Variants in STX18 observed in about 807,000 individuals in gnomAD.
The protein encoded by STX18 is syntaxin-18.
In STX18, 40 loss-of-function variants were observed where a neutral mutation model predicts 50.1. The observed-to-expected ratio is 0.80, with a 90% CI of 0.62 to 1.04. The LOEUF (loss-of-function observed/expected upper bound fraction) is 1.04. Among genes scored for constraint, STX18 ranks in the 50% least tolerant of loss-of-function variants. The probability of loss-of-function intolerance (pLI) is 0.00; values close to 1 mark genes in which losing one functional copy is unlikely to be tolerated. For synonymous variants in STX18, 158 were observed against 151.8 expected (o/e 1.04, Z -0.30); for missense variants, 410 against 415.8 (o/e 0.99, Z 0.12).
chr4:4,483,543 T>G (rs970875132), intron 1 of STX18, among the ~76,000 whole-genome samples: 1 of 152,208 alleles, frequency 6.6e-6, no homozygotes, highest in Admixed American at 6.5e-5. Context: ...TTGGCATTAC[T>G]GAACACATTC....
intron 1 of STX18, among the ~76,000 whole-genome samples, chr4:4,528,058 G>C (rs923529102): frequency 6.6e-6 from 1 of 151,928 alleles, no homozygotes; most frequent in Non-Finnish European, 1.5e-5. Flanking sequence ...CAGGATGCTA[G>C]ACTTACACAG....
chr4:4,440,271 C>CATTTGT (rs1726035371), intron 5 of STX18, among the ~76,000 whole-genome samples: 1 of 152,162 alleles, frequency 6.6e-6, no homozygotes, highest in African/African-American at 2.4e-5. Context: ...TTGTTAATGG[C>CATTTGT]TCATATAGTG....
intron 1 of STX18, among the ~76,000 whole-genome samples, chr4:4,481,983 A>G (rs916641435): frequency 6.6e-6 from 1 of 151,894 alleles, no homozygotes; most frequent in Non-Finnish European, 1.5e-5. Flanking sequence ...TGAGGGGGAC[A>G]CTCTTCACCA....
intron 1 of STX18, among the ~76,000 whole-genome samples, chr4:4,473,634 A>C (rs976852666): frequency 2.0e-5 from 3 of 152,084 alleles, no homozygotes; most frequent in Non-Finnish European, 4.4e-5. Context: ...AAATTAAGAG[A>C]TACGCAAGCA....
chr4:4,457,133 C>A, intron 5 of STX18, 58 bp downstream of exon 5: 1 of 1,479,342 alleles, frequency 6.8e-7, no homozygotes, highest in Non-Finnish European at 9.4e-7. Context: ...CAAACTTTAA[C>A]TGCTATTATT....
chr4:4,508,749 CCCA>C (rs1729857546), intron 1 of STX18, among the ~76,000 whole-genome samples: 1 of 152,114 alleles, frequency 6.6e-6, no homozygotes, highest in African/African-American at 2.4e-5. Context: ...GTGTTGCTCC[CCCA>C]CCATGTGTCC....
intron 1 of STX18, among the ~76,000 whole-genome samples, chr4:4,529,433 A>G (rs1730980588): frequency 1.3e-5 from 2 of 151,754 alleles, no homozygotes. Context: ...AAGCAGCCAT[A>G]TTTCCCCAAA....
chr4:4,533,768 T>C (rs1474672966), intron 1 of STX18, among the ~76,000 whole-genome samples: 1 of 152,146 alleles, frequency 6.6e-6, no homozygotes, highest in Non-Finnish European at 1.5e-5. Context: ...AGCCCTACCC[T>C]AGTAGGTGAG....
chr4:4,507,016 C>A, intron 1 of STX18: 3 of 404,200 alleles, frequency 7.4e-6, no homozygotes, highest in Non-Finnish European at 1.4e-5. Flanking sequence ...TGCTAATCTA[C>A]AAATAACACT....
intron 5 of STX18, among the ~76,000 whole-genome samples, chr4:4,455,402 T>G (rs898254697): frequency 2.0e-5 from 3 of 152,246 alleles, no homozygotes; most frequent in Non-Finnish European, 4.4e-5. Flanking sequence ...TTCTATTTGT[T>G]GGCATTAACA....
At chr4:4,501,212 A>G (rs1729442079) in intron 1 of STX18, among the ~76,000 whole-genome samples, 1 of 152,180 alleles carries the variant, frequency 6.6e-6, no homozygotes, top group African/African-American at 2.4e-5. Flanking sequence ...TGATTTTGTC[A>G]TTCCTTAACA....
At chr4:4,428,190 G>A (rs1035402571) in intron 7 of STX18, among the ~76,000 whole-genome samples, 6 of 152,242 alleles carry the variant, frequency 3.9e-5, no homozygotes, top group Non-Finnish European at 5.9e-5. Flanking sequence ...GATGTACCAC[G>A]TGGATATGGG....
chr4:4,500,785 C>T (rs1382759956), intron 1 of STX18, among the ~76,000 whole-genome samples: 1 of 152,162 alleles, frequency 6.6e-6, no homozygotes, highest in Non-Finnish European at 1.5e-5. Context: ...CCTGTAATCC[C>T]AGCACTTTGG....
intron 6 of STX18, among the ~76,000 whole-genome samples, chr4:4,435,640 G>C (rs758164131): frequency 6.6e-6 from 1 of 152,208 alleles, no homozygotes; most frequent in Non-Finnish European, 1.5e-5. Context: ...ACAGACCTCA[G>C]TGGTTTCAGA....
Position 4,457,821 on chromosome 4 carries a change from C to T in STX18, c.353-321G>A, listed in dbSNP as rs972658081. Among the ~76,000 whole-genome samples the T allele has an allele frequency of 4.6e-5, 7 of 152,362 alleles. No homozygotes were observed. In the South Asian group the frequency reaches 1.0e-3, roughly 23 times the overall value. ...AGCATCCAATGCTCAAGCTGACCTTCAGCGAACATGTTTAAACAACTGAAA... is the reference window on the plus strand; with the variant it reads ...AGCATCCAATGCTCAAGCTGACCTTTAGCGAACATGTTTAAACAACTGAAA... On this transcript the variant is annotated intron_variant, in intron 3 of 10. Coordinates refer to ENST00000306200, the MANE Select transcript of STX18 (RefSeq NM_016930.4).
intron 2 of STX18, among the ~76,000 whole-genome samples, chr4:4,463,748 C>A (rs955271540): frequency 2.0e-5 from 3 of 152,126 alleles, no homozygotes; most frequent in Non-Finnish European, 4.4e-5. Context: ...CACATACACA[C>A]CTTTAGAAAT....
intron 1 of STX18, among the ~76,000 whole-genome samples, chr4:4,488,246 T>C (rs982533806): frequency 2.6e-5 from 4 of 152,066 alleles, no homozygotes; most frequent in Non-Finnish European, 5.9e-5. Context: ...CTACCGAGGT[T>C]GAACATAAGC....
At chr4:4,454,619 C>A (rs893418576) in intron 5 of STX18, among the ~76,000 whole-genome samples, 9 of 152,178 alleles carry the variant, frequency 5.9e-5, no homozygotes, top group Non-Finnish European at 8.8e-5. Context: ...TGTCCCAGAT[C>A]TTCAGTTCAA....
Position 4,542,037 on chromosome 4 carries a change from C to G in STX18, c.-73G>C, listed in dbSNP as rs573229188. 7 of 1,460,714 alleles carry G rather than the reference C, an allele frequency of 4.8e-6. No individual in the cohort carries two copies. Among genetic ancestry groups the G allele is most frequent in the Non-Finnish European group, 5.5e-6 (6 of 1,100,072 alleles). 90.5% of individuals were successfully genotyped at this position (1,460,714 alleles called of 1,614,324 possible). A position where few individuals can be genotyped will look rare whatever the true frequency, so the allele number is the denominator to read the frequency against. On this transcript the variant is annotated 5_prime_UTR_variant, in exon 1 of 11. Transcript: ENST00000306200. Reference sequence around the variant, plus strand: ...CCGGCGACCGCGGCGCGAACCCGGCCGCTGAAGGACTGGTCCTGCCCCACA... The same window carrying G: ...CCGGCGACCGCGGCGCGAACCCGGCGGCTGAAGGACTGGTCCTGCCCCACA...
Sources: gnomAD v4.1 joint callset for allele counts (sites outside exome capture counted in the v4.1 genomes callset) on GRCh38, gnomAD v4.1.1 for gene constraint, MANE v1.5 for transcripts, NCBI Gene and HGNC (gene_info 2026-07-23, HGNC 2026-07-21) for gene names.